Variants in HDAC4 observed in about 807,000 individuals in gnomAD.
The protein encoded by HDAC4 is histone deacetylase 4.
HDAC4 carries 16 observed loss-of-function variants against 135.1 expected under a neutral mutation model. The ratio of observed to expected loss-of-function variants is 0.12; its 90% CI spans 0.08 to 0.18. The LOEUF is 0.18. HDAC4 is among the 10% of genes least tolerant of loss of function. The probability of loss-of-function intolerance (pLI) is 1.00; values close to 1 mark genes in which losing one functional copy is unlikely to be tolerated. For synonymous variants in HDAC4, 685 were observed against 653.4 expected (o/e 1.05, Z -0.74); for missense variants, 1,143 against 1,511.8 (o/e 0.76, Z 4.05).
intron 7 of HDAC4, among the ~76,000 whole-genome samples, chr2:239,148,679 T>C (rs1024711064): frequency 3.3e-5 from 5 of 152,340 alleles, no homozygotes; most frequent in African/African-American, 1.2e-4. Flanking sequence ...TCATGCTCCA[T>C]GCACGACTTC....
intron 2 of HDAC4, among the ~76,000 whole-genome samples, chr2:239,319,294 C>T (rs1240821016): frequency 6.6e-6 from 1 of 152,220 alleles, no homozygotes; most frequent in Non-Finnish European, 1.5e-5. Context: ...CGCAGCCTCC[C>T]GTTAGCTGCT....
chr2:239,355,712 GTTTA>G (rs1693449887), intron 1 of HDAC4, among the ~76,000 whole-genome samples: 1 of 152,142 alleles, frequency 6.6e-6, no homozygotes. Context: ...GTTTGTTTCT[GTTTA>G]TTTATCTTCA....
intron 10 of HDAC4, 41 bp from the exon 11 acceptor site, chr2:239,134,484 C>A (rs2040814664): frequency 6.2e-7 from 1 of 1,612,862 alleles, no homozygotes; most frequent in Non-Finnish European, 8.5e-7. Context: ...AAGGACCCAT[C>A]ACCACCACCC....
At chr2:239,397,149 C>T (rs1157258606) in intron 1 of HDAC4, among the ~76,000 whole-genome samples, 1 of 152,234 alleles carries the variant, frequency 6.6e-6, no homozygotes, top group African/African-American at 2.4e-5. Flanking sequence ...AGGCTGTGTT[C>T]GCCCAAGCAC....
chr2:239,114,901 C>T, intron 13 of HDAC4, 152 bp downstream of exon 13: 2 of 912,614 alleles, frequency 2.2e-6, no homozygotes, highest in Non-Finnish European at 3.3e-6. Flanking sequence ...ACATCAACCT[C>T]CCTCACTGGC....
chr2:239,111,810 G>C, intron 13 of HDAC4, 98 bp from the exon 14 acceptor site: 1 of 1,139,978 alleles, frequency 8.8e-7, no homozygotes, highest in Middle Eastern at 2.7e-4. Flanking sequence ...TCCCGTCCAC[G>C]CACAGGCCAT....
At chr2:239,227,995 G>T (rs2047338691) in intron 3 of HDAC4, among the ~76,000 whole-genome samples, 1 of 152,194 alleles carries the variant, frequency 6.6e-6, no homozygotes, top group African/African-American at 2.4e-5. Flanking sequence ...GCTGGGCTGG[G>T]TTTCACTTGA....
chr2:239,130,201 A>G (rs1421327143), intron 11 of HDAC4, among the ~76,000 whole-genome samples: 1 of 152,184 alleles, frequency 6.6e-6, no homozygotes, highest in African/African-American at 2.4e-5. Context: ...GCTTGGACCA[A>G]TCAGCATCTG....
In HDAC4 at chr2:239,068,853, T is replaced by C. The variant is rs113918053; in HGVS notation, c.2751-246A>G. The stretch of plus-strand genomic sequence containing the variant: ...GCAAGCCAGCAAGCCCCACGACACT[T>C]GCTTGGTGAGAGGGAGTCACGGTGC... On this transcript the variant is annotated intron_variant, in intron 22 of 26. Transcript: ENST00000543185. The surrounding 1 kb of genome is among the most constrained non-coding windows in gnomAD (Gnocchi z 4.4). 4,990 of 525,260 alleles carry C rather than the reference T, an allele frequency of 9.5e-3. 221 individuals are homozygous for C. Among genetic ancestry groups the C allele is most frequent in the African/African-American group, 0.087 (4,500 of 51,552 alleles). 32.5% of individuals were successfully genotyped at this position (525,260 alleles called of 1,614,324 possible).
chr2:239,359,518 G>A (rs969699497), intron 1 of HDAC4, among the ~76,000 whole-genome samples: 12 of 152,202 alleles, frequency 7.9e-5, no homozygotes, highest in African/African-American at 1.7e-4. Context: ...ACCTGGGGTC[G>A]GGTCTAGGAT....
At chr2:239,160,475 G>A (rs1200369633) in intron 6 of HDAC4, among the ~76,000 whole-genome samples, 1 of 152,222 alleles carries the variant, frequency 6.6e-6, no homozygotes, top group African/African-American at 2.4e-5. Context: ...CCCTGATGAA[G>A]CCACAGCACC....
Position 239,245,482 on chromosome 2 carries a change from T to C in HDAC4, c.23-8818A>G, listed in dbSNP as rs1326239357. Among the ~76,000 whole-genome samples, 1 of 152,226 alleles carries C rather than the reference T, an allele frequency of 6.6e-6. No individual in the cohort carries two copies. Among genetic ancestry groups the C allele is most frequent in the Non-Finnish European group, 1.5e-5 (1 of 68,032 alleles). On this transcript the variant is annotated intron_variant, in intron 2 of 26. Coordinates refer to ENST00000543185, the MANE Select transcript of HDAC4 (RefSeq NM_001378414.1). The surrounding 1 kb of genome is among the most constrained non-coding windows in gnomAD (Gnocchi z 4.4). ...CATCGTTTGGGTATAAGATGATATG[T>C]AGGAATCATGATTCCTTCTGCTGAG...
intron 1 of HDAC4, among the ~76,000 whole-genome samples, chr2:239,393,638 G>A (rs1696375934): frequency 6.6e-6 from 1 of 151,070 alleles, no homozygotes; most frequent in Admixed American, 6.6e-5. Flanking sequence ...CCTCATCTGG[G>A]CCTGGCTCCT....
chr2:239,158,603 A>G (rs3791509), intron 6 of HDAC4, among the ~76,000 whole-genome samples: 26,946 of 152,028 alleles, frequency 0.18, 2,910 homozygotes, highest in East Asian at 0.38. Flanking sequence ...CTGCCCCCCA[A>G]CTGCCAGCGC....
At chr2:239,183,106 T>C (rs926864141) in intron 4 of HDAC4, among the ~76,000 whole-genome samples, 1 of 152,222 alleles carries the variant, frequency 6.6e-6, no homozygotes, top group Non-Finnish European at 1.5e-5. Flanking sequence ...TAAAATAAGA[T>C]GACTACGACC....
intron 1 of HDAC4, among the ~76,000 whole-genome samples, chr2:239,379,070 A>T (rs1695230283): frequency 6.6e-6 from 1 of 152,194 alleles, no homozygotes; most frequent in Non-Finnish European, 1.5e-5. Flanking sequence ...AAGGAGACAC[A>T]AAGGGAAGAA....
At chr2:239,079,315 G>A (rs1019364211) in intron 22 of HDAC4, among the ~76,000 whole-genome samples, 7 of 152,242 alleles carry the variant, frequency 4.6e-5, no homozygotes, top group African/African-American at 1.7e-4. Context: ...CAGGGGAAAA[G>A]TGGTTCAGGT....
intron 22 of HDAC4, among the ~76,000 whole-genome samples, chr2:239,077,174 T>C (rs1230113866): frequency 6.6e-6 from 1 of 152,218 alleles, no homozygotes; most frequent in Non-Finnish European, 1.5e-5. Flanking sequence ...GCTTCTTCAT[T>C]CCACAGTCAG....
At chr2:239,335,230 T>C (rs1691852433) in intron 2 of HDAC4, among the ~76,000 whole-genome samples, 1 of 151,966 alleles carries the variant, frequency 6.6e-6, no homozygotes, top group Non-Finnish European at 1.5e-5. Flanking sequence ...AACAGATCCA[T>C]TTATATAATT....
Sources: allele counts gnomAD v4.1 joint callset (sites outside exome capture counted in the v4.1 genomes callset), GRCh38; gene constraint gnomAD v4.1.1; non-coding constraint Gnocchi (gnomAD v3.1); transcripts MANE v1.5; gene names NCBI Gene and HGNC (gene_info 2026-07-23, HGNC 2026-07-21).